Variants in AFTPH observed in about 807,000 individuals in gnomAD.
The protein encoded by AFTPH is aftiphilin protein.
A neutral mutation model predicts 72.5 loss-of-function variants in AFTPH; 7 were observed. The observed-to-expected ratio is 0.10, with a 90% CI of 0.05 to 0.18. The LOEUF (loss-of-function observed/expected upper bound fraction) is 0.18, where lower values mean the gene tolerates loss of function less well. AFTPH is among the 10% of genes least tolerant of loss of function. The pLI is 1.00. For synonymous variants in AFTPH, 337 were observed against 370.1 expected (o/e 0.91, Z 1.03); for missense variants, 979 against 1,060.5 (o/e 0.92, Z 1.07).
chr2:64,573,104 C>CGTGGATATAT, intron 6 of AFTPH, 36 bp downstream of exon 6: 1 of 1,503,590 alleles, frequency 6.7e-7, no homozygotes, highest in Non-Finnish European at 9.2e-7. Context: ...TATGTTTATG[C>CGTGGATATAT]GTGTATATAC....
chr2:64,580,716 A>G (rs192711571), intron 7 of AFTPH: 4 of 153,078 alleles, frequency 2.6e-5, no homozygotes, highest in Admixed American at 2.6e-4. Context: ...CTAAGTTAAC[A>G]CATTGGTGCG....
At chr2:64,574,513 G>A (rs552912700) in intron 6 of AFTPH, among the ~76,000 whole-genome samples, 2 of 152,328 alleles carry the variant, frequency 1.3e-5, no homozygotes, top group African/African-American at 2.4e-5. Flanking sequence ...GGGAGTGGTA[G>A]CACCTGCAGA....
At chr2:64,569,756 A>C in intron 5 of AFTPH, 77 bp downstream of exon 5, 3 of 1,318,976 alleles carry the variant, frequency 2.3e-6, no homozygotes, top group Non-Finnish European at 2.2e-6. Flanking sequence ...ATACACTTCT[A>C]TGTCATGCTA....
chr2:64,589,290 A>G (rs1293326369), intron 8 of AFTPH, among the ~76,000 whole-genome samples: 1 of 152,210 alleles, frequency 6.6e-6, no homozygotes, highest in East Asian at 1.9e-4. Context: ...AAAACTGTTG[A>G]AATGATTTCC....
chr2:64,547,932 A>C (rs947593652), intron 1 of AFTPH, among the ~76,000 whole-genome samples: 1 of 151,894 alleles, frequency 6.6e-6, no homozygotes, highest in Non-Finnish European at 1.5e-5. Flanking sequence ...CTACAGGTGC[A>C]TGCCACCATG....
At chr2:64,526,996 AACTAT>A (rs1214075427) in intron 1 of AFTPH, among the ~76,000 whole-genome samples, 1 of 152,214 alleles carries the variant, frequency 6.6e-6, no homozygotes, top group East Asian at 1.9e-4. Context: ...TCTCATGCAA[AACTAT>A]ACTATGTATT....
chr2:64,552,369 G>A (rs761390354), exon 2 of AFTPH: 4 of 1,614,034 alleles, frequency 2.5e-6, no homozygotes, highest in East Asian at 4.5e-5. Context: ...TCAGGTTTGT[G>A]TTTCAGAAAT....
intron 7 of AFTPH, among the ~76,000 whole-genome samples, chr2:64,581,848 C>CTGTT (rs1401585474): frequency 1.3e-5 from 2 of 152,042 alleles, no homozygotes; most frequent in African/African-American, 2.4e-5. Context: ...AGAAAGTATA[C>CTGTT]TGTTAGTTTT....
chr2:64,582,681 A>G (rs1484998502), intron 7 of AFTPH, among the ~76,000 whole-genome samples: 1 of 152,240 alleles, frequency 6.6e-6, no homozygotes, highest in Non-Finnish European at 1.5e-5. Context: ...ATTCCCAAGA[A>G]TTATTAAGCT....
Position 64,581,180 on chromosome 2 carries a change from G to A in AFTPH, c.2455+1634G>A. On this transcript the variant is annotated intron_variant, in intron 7 of 8. Transcript: ENST00000238856. ...GTGGCTGCCTACCAACACGGTCACT[G>A]AATTTCAAGCTAGTGGAGGTTCCAC... 4 of 1,583,732 alleles carry A rather than the reference G, an allele frequency of 2.5e-6. No homozygotes were observed. In the South Asian group the frequency reaches 3.5e-5, roughly 14 times the overall value.
At chr2:64,524,550 G>A in exon 1 of AFTPH, 1 of 399,100 alleles carries the variant, frequency 2.5e-6, no homozygotes, top group Non-Finnish European at 4.4e-6. Context: ...GTCCTTCCCC[G>A]GGGAGTCAGT....
chr2:64,529,086 T>C (rs1168628825), intron 1 of AFTPH, among the ~76,000 whole-genome samples: 3 of 152,130 alleles, frequency 2.0e-5, no homozygotes, highest in African/African-American at 7.2e-5. Context: ...AATAATTCCC[T>C]CATTTTTAAA....
At chr2:64,562,332 G>A (rs1167053273) in intron 2 of AFTPH, among the ~76,000 whole-genome samples, 3 of 149,656 alleles carry the variant, frequency 2.0e-5, no homozygotes, top group African/African-American at 7.4e-5. Flanking sequence ...AAATGAAGGC[G>A]AAGTGCTTTT....
At chr2:64,592,506 T>A (rs1015785238) in exon 9 of AFTPH, 1 of 152,850 alleles carries the variant, frequency 6.5e-6, no homozygotes, top group African/African-American at 2.4e-5. Context: ...TTTTTAATTT[T>A]GTGTATGATG....
exon 2 of AFTPH, chr2:64,551,879 T>A (rs888375967): frequency 6.2e-7 from 1 of 1,613,814 alleles, no homozygotes; most frequent in Non-Finnish European, 8.5e-7. Flanking sequence ...GAAATTTAAA[T>A]AAAGTAGTGG....
At position 64,553,160 on chromosome 2, in the gene AFTPH, T is replaced by C. The variant is rs75221870; in HGVS notation, c.1686T>C (p.Ser562=). The change falls in exon 2 of 9, where the codon AGT becomes AGC. Residue 562 remains serine (S), a synonymous_variant. Transcript: ENST00000238856. Reference sequence around the variant, plus strand: ...ACTCTGATGATTTTGCAGACTTCAGTTCAGCTGGTCCTAGCCAAGTTGTAG... The same window carrying C: ...ACTCTGATGATTTTGCAGACTTCAGCTCAGCTGGTCCTAGCCAAGTTGTAG... The C allele has an allele frequency of 6.5e-4, 1,056 of 1,614,198 alleles. 20 individuals are homozygous for C. In the East Asian group the frequency reaches 0.02, roughly 30 times the overall value.
chr2:64,551,750 C>G, exon 2 of AFTPH: 1 of 1,613,660 alleles, frequency 6.2e-7, no homozygotes, highest in Non-Finnish European at 8.5e-7. Flanking sequence ...ATAAGGACAT[C>G]ACTGCTGAAC....
intron 1 of AFTPH, among the ~76,000 whole-genome samples, chr2:64,550,505 G>A (rs988486191): frequency 5.9e-5 from 9 of 152,160 alleles, no homozygotes; most frequent in Non-Finnish European, 1.0e-4. Context: ...CATTCTTGAT[G>A]TAACAAATTA....
intron 7 of AFTPH, 104 bp downstream of exon 7, chr2:64,579,650 C>T: frequency 9.8e-7 from 1 of 1,020,732 alleles, no homozygotes; most frequent in Non-Finnish European, 1.5e-6. Context: ...TTGAACATAA[C>T]TTATTCTTAT....
Sources: gnomAD v4.1 joint callset for allele counts (sites outside exome capture counted in the v4.1 genomes callset) on GRCh38, gnomAD v4.1.1 for gene constraint, MANE v1.5 for transcripts, NCBI Gene and HGNC (gene_info 2026-07-23, HGNC 2026-07-21) for gene names.